DMD: variants seen among roughly 807,000 people sequenced by gnomAD.
DMD encodes the protein dystrophin, also known as mutant dystrophin.
A neutral mutation model predicts 330.1 loss-of-function variants in DMD; 63 were observed. The ratio of observed to expected loss-of-function variants is 0.19; its 90% CI spans 0.16 to 0.24. The LOEUF is 0.24. Among genes scored for constraint, DMD ranks in the 10% least tolerant of loss-of-function variants. DMD has a pLI of 1.00. For missense variants in DMD, 3,344 were observed against 2,684.1 expected (o/e 1.25, Z -5.43); for synonymous variants, 1,223 against 959.8 (o/e 1.27, Z -5.07).
chrX:31,735,797 C>T (rs1410465051), intron 51 of DMD, among the ~76,000 whole-genome samples: 1 of 111,930 alleles, frequency 8.9e-6, no homozygotes, highest in Non-Finnish European at 1.9e-5. Flanking sequence ...GCAAAAGGAA[C>T]TTTGGGGCAA....
chrX:33,338,460 A>T (rs201403025), intron 1 of DMD, among the ~76,000 whole-genome samples: 1 of 102,233 alleles, frequency 9.8e-6, no homozygotes, highest in Non-Finnish European at 2.0e-5. Flanking sequence ...ATTAAAGGGC[A>T]AAATAAATAA....
At chrX:33,248,045 CTTAT>C (rs1376309385) in intron 1 of DMD, among the ~76,000 whole-genome samples, 2 of 110,844 alleles carry the variant, frequency 1.8e-5, no homozygotes, top group African/African-American at 3.3e-5. Context: ...TATTTATTTA[CTTAT>C]TTATTTTTTT....
At chrX:32,324,876 G>T (rs1385806304) in intron 41 of DMD, among the ~76,000 whole-genome samples, 1 of 111,393 alleles carries the variant, frequency 9.0e-6, no homozygotes, top group Non-Finnish European at 1.9e-5. Context: ...ACATAGAGAG[G>T]AAACTTTTAA....
At chrX:32,014,668 T>A (rs1352495318) in intron 44 of DMD, among the ~76,000 whole-genome samples, 1 of 111,874 alleles carries the variant, frequency 8.9e-6, no homozygotes, top group Non-Finnish European at 1.9e-5. Flanking sequence ...ACATAGTAAG[T>A]GTTCAATAAA....
chrX:32,859,320 T>A (rs772337533), intron 2 of DMD, among the ~76,000 whole-genome samples: 9 of 109,167 alleles, frequency 8.2e-5, no homozygotes, highest in South Asian at 4.1e-4. Context: ...ATACAAGAAT[T>A]AGCTGGGCGT....
chrX:32,733,750 A>G (rs1275114525), intron 7 of DMD, among the ~76,000 whole-genome samples: 1 of 108,477 alleles, frequency 9.2e-6, no homozygotes, highest in Non-Finnish European at 1.9e-5. Flanking sequence ...AATCTCTGGG[A>G]CACATTCAAA....
intron 11 of DMD, among the ~76,000 whole-genome samples, chrX:32,622,139 C>T (rs1033435939): frequency 9.0e-6 from 1 of 111,504 alleles, no homozygotes; most frequent in Non-Finnish European, 1.9e-5. Flanking sequence ...TTTACATTCT[C>T]TTCCTGACTT....
intron 62 of DMD, among the ~76,000 whole-genome samples, chrX:31,302,310 T>A (rs971919496): frequency 8.9e-6 from 1 of 111,746 alleles, no homozygotes; most frequent in African/African-American, 3.3e-5. Flanking sequence ...TTGTTGGAAC[T>A]ATCAGACAGG....
At chrX:32,681,542 A>G (rs1411260634) in intron 9 of DMD, among the ~76,000 whole-genome samples, 4 of 111,853 alleles carry the variant, frequency 3.6e-5, no homozygotes, top group Non-Finnish European at 5.6e-5. Context: ...TTTATATTGC[A>G]GGACCTGCTT....
At chrX:33,140,915 C>T (rs1195251298) in intron 1 of DMD, among the ~76,000 whole-genome samples, 3 of 111,449 alleles carry the variant, frequency 2.7e-5, no homozygotes, top group Non-Finnish European at 5.7e-5. Flanking sequence ...TAGTGACTTC[C>T]CCATTTAAAG....
chrX:33,301,159 G>A (rs2053655619), intron 1 of DMD, among the ~76,000 whole-genome samples: 1 of 111,348 alleles, frequency 9.0e-6, no homozygotes, highest in African/African-American at 3.3e-5. Context: ...GCCAGGCATT[G>A]TCTGATTTAG....
At chrX:32,831,239 A>G (rs1446071629) in intron 4 of DMD, among the ~76,000 whole-genome samples, 1 of 110,774 alleles carries the variant, frequency 9.0e-6, no homozygotes, top group East Asian at 2.8e-4. Context: ...AGGAACATGG[A>G]TGTAATTTCT....
intron 1 of DMD, among the ~76,000 whole-genome samples, chrX:33,281,997 C>A (rs1208322700): frequency 2.7e-5 from 3 of 109,670 alleles, no homozygotes; most frequent in African/African-American, 6.7e-5. Flanking sequence ...TATACTGGTA[C>A]CCTCCAGCTG....
At chrX:32,900,748 A>C (rs780735846) in intron 2 of DMD, among the ~76,000 whole-genome samples, 1 of 111,824 alleles carries the variant, frequency 8.9e-6, no homozygotes, top group Non-Finnish European at 1.9e-5. Flanking sequence ...GCAAATGAAA[A>C]AAAAGGAATT....
At chrX:31,439,581 TA>T (rs1382929736) in intron 60 of DMD, among the ~76,000 whole-genome samples, 1 of 112,271 alleles carries the variant, frequency 8.9e-6, no homozygotes, top group Non-Finnish European at 1.9e-5. Context: ...GCCTTCATAT[TA>T]TTCAGATTTT....
At chrX:32,711,740 G>T (rs1256353597) in intron 7 of DMD, among the ~76,000 whole-genome samples, 2 of 111,617 alleles carry the variant, frequency 1.8e-5, no homozygotes, top group Admixed American at 9.6e-5. Flanking sequence ...GTCACCAGAT[G>T]CTATGTCATC....
At chrX:31,676,605 T>G (rs1017569073) in intron 53 of DMD, among the ~76,000 whole-genome samples, 4 of 111,816 alleles carry the variant, frequency 3.6e-5, no homozygotes, top group African/African-American at 1.3e-4. Context: ...TTTAGCCACG[T>G]AGACAATTGG....
rs189518828 is a variant in DMD at position 32,875,125 on chromosome X, G to A, written c.94-25305C>T. ...TACATAGTAATAGAAAACCAGAAGAGTATCCTAAGCTCCCTCTGGAATGGA... is the reference window on the plus strand; with the variant it reads ...TACATAGTAATAGAAAACCAGAAGAATATCCTAAGCTCCCTCTGGAATGGA... On this transcript the variant is annotated intron_variant, in intron 2 of 78. Coordinates refer to ENST00000357033, the MANE Select transcript of DMD (RefSeq NM_004006.3). Among the ~76,000 whole-genome samples, 12 of 112,471 alleles carry A rather than the reference G, an allele frequency of 1.1e-4. No homozygotes were observed. In the East Asian group the frequency reaches 3.4e-3, roughly 32 times the overall value.
At chrX:31,201,195 A>ACG (rs1368393440) in intron 67 of DMD, among the ~76,000 whole-genome samples, 13 of 107,292 alleles carry the variant, frequency 1.2e-4, no homozygotes, top group South Asian at 4.1e-4. Flanking sequence ...ACACACACAC[A>ACG]CACGCACACA....
Sources: allele counts gnomAD v4.1 joint callset (sites outside exome capture counted in the v4.1 genomes callset), GRCh38; gene constraint gnomAD v4.1.1; transcripts MANE v1.5; gene names NCBI Gene and HGNC (gene_info 2026-07-23, HGNC 2026-07-21).